BOD1L1: variants seen among roughly 807,000 people sequenced by gnomAD.
The protein encoded by BOD1L1 is biorientation of chromosomes in cell division protein 1-like 1.
In BOD1L1, 86 loss-of-function variants were observed where a neutral mutation model predicts 240.7. That is an observed-to-expected ratio of 0.36 (90% CI 0.30 to 0.43). BOD1L1 has a LOEUF of 0.43. Among genes scored for constraint, BOD1L1 ranks in the 20% least tolerant of loss-of-function variants. The pLI, the probability that BOD1L1 is intolerant of heterozygous loss-of-function variation, is 1.00. For synonymous variants in BOD1L1, 1,268 were observed against 1,272.3 expected, an observed-to-expected ratio of 1.00 and a Z score of 0.07; for missense variants, 3,554 against 3,643.5, an observed-to-expected ratio of 0.98 and a Z score of 0.63.
intron 15 of BOD1L1, among the ~76,000 whole-genome samples, chr4:13,588,056 C>T (rs1281714282): frequency 2.6e-5 from 4 of 151,810 alleles, no homozygotes; most frequent in African/African-American, 9.7e-5. Flanking sequence ...GGCGTGGTGG[C>T]GGGTGCCTGT....
Position 13,586,378 on chromosome 4 carries a change from AATAT to A in BOD1L1, c.8433+14_8433+17del. On this transcript the variant is annotated intron_variant, in intron 17 of 25. Coordinates refer to ENST00000040738, the MANE Select transcript of BOD1L1 (RefSeq NM_148894.3). Reference sequence around the variant, plus strand: ...CTACCCCCACCCAAAACTTAAAACTAATATGTGGAAAAAATACCTTTGTGTCATG... The same window carrying A: ...CTACCCCCACCCAAAACTTAAAACTAGTGGAAAAAATACCTTTGTGTCATG... 1 of 1,585,350 alleles carries A rather than the reference AATAT, an allele frequency of 6.3e-7. No homozygotes were observed. The highest frequency in any genetic ancestry group is 8.6e-7 in the Non-Finnish European group (1 of 1,156,442).
intron 17 of BOD1L1, 130 bp from the exon 18 acceptor site, chr4:13,582,866 A>G (rs1713348296): frequency 1.6e-6 from 1 of 622,958 alleles, no homozygotes; most frequent in Admixed American, 3.1e-5. Flanking sequence ...GTTTTTGGAA[A>G]ATGTTTTTGA....
chr4:13,572,934 A>T (rs1712337359), intron 25 of BOD1L1: 3 of 1,101,036 alleles, frequency 2.7e-6, no homozygotes, highest in Non-Finnish European at 3.5e-6. Context: ...CTTGTGGGCA[A>T]GTCAGAACAA....
chr4:13,624,026 T>A (rs1266350058), intron 1 of BOD1L1: 2 of 140,130 alleles, frequency 1.4e-5, no homozygotes, highest in Admixed American at 7.0e-5. Context: ...GGGGAATATA[T>A]TTTTTTTTTT....
rs36096107 is a variant in BOD1L1, at chr4:13,584,441, AGTGTGTGT to A, written c.8434-1713_8434-1706del. Among the ~76,000 whole-genome samples the A allele has an allele frequency of 7.7e-3, 1,041 of 134,898 alleles. 12 individuals are homozygous for A. Among genetic ancestry groups the A allele is most frequent in the African/African-American group, 9.5e-3 (346 of 36,420 alleles). 88.5% of individuals were successfully genotyped at this position (134,898 alleles called of 152,430 possible). A position where few individuals can be genotyped will look rare whatever the true frequency, so the allele number is the denominator to read the frequency against. On this transcript the variant is annotated intron_variant, in intron 17 of 25. Coordinates refer to ENST00000040738, the MANE Select transcript of BOD1L1 (RefSeq NM_148894.3). ...GTGGCGGGGAGAGAAAGAGAGAGAGAGTGTGTGTGTGTGTGTGTGTGTGTGTGTGTGTG... is the reference window on the plus strand; with the variant it reads ...GTGGCGGGGAGAGAAAGAGAGAGAGAGTGTGTGTGTGTGTGTGTGTGTGTG...
chr4:13,600,619 C>A lies in BOD1L1; in HGVS notation c.6281G>T (p.Gly2094Val), dbSNP rs1306399959. Residue 2094 changes from glycine (G) to valine (V), a missense_variant, in exon 10 of 26, where the codon GGT (glycine) becomes GTT (valine). Transcript: ENST00000040738. ...TTCAGTTCTCAGAGCATCTGAGAGA[C>A]CTCCTTCCACATCTGTAATTGCGCT... ...QVSAITDVEG[G>V]LSDALRTEEN... 6.2e-7 allele frequency: 1 copy of A among 1,613,872 alleles called. No individual in the cohort carries two copies. The highest frequency in any genetic ancestry group is 1.3e-5 in the African/African-American group (1 of 75,016).
chr4:13,615,105 C>T (rs943711675), intron 3 of BOD1L1, among the ~76,000 whole-genome samples: 5 of 152,184 alleles, frequency 3.3e-5, no homozygotes, highest in African/African-American at 1.2e-4. Context: ...CATACTCACA[C>T]TCACATCACA....
chr4:13,627,651 C>G lies in BOD1L1; in HGVS notation c.-64G>C. 9.1e-7 allele frequency: 1 copy of G among 1,096,450 alleles called. No individual in the cohort carries two copies. Among genetic ancestry groups the G allele is most frequent in the East Asian group, 4.8e-5 (1 of 20,990 alleles). 67.9% of individuals were successfully genotyped at this position (1,096,450 alleles called of 1,614,324 possible). ...GGACGATCCTGGGAGGCGGCGGCTG[C>G]ACTGGTCCCGCCGCCTGAGGGAAGC... On this transcript the variant is annotated 5_prime_UTR_variant, in exon 1 of 26. Coordinates refer to ENST00000040738, the MANE Select transcript of BOD1L1 (RefSeq NM_148894.3).
chr4:13,590,113 T>C (rs1349510649), intron 14 of BOD1L1, among the ~76,000 whole-genome samples: 1 of 152,192 alleles, frequency 6.6e-6, no homozygotes, highest in Non-Finnish European at 1.5e-5. Context: ...TTATGTTGGA[T>C]TGAGTCAACT....
intron 1 of BOD1L1, among the ~76,000 whole-genome samples, chr4:13,621,679 A>G (rs1717047136): frequency 6.6e-6 from 1 of 152,126 alleles, no homozygotes; most frequent in Non-Finnish European, 1.5e-5. Context: ...CAAATGAGCA[A>G]TTAAAATATA....
chr4:13,596,066 G>A (rs1714600794), intron 11 of BOD1L1, 122 bp from the exon 12 acceptor site: 4 of 767,714 alleles, frequency 5.2e-6, no homozygotes, highest in South Asian at 1.8e-5. Context: ...CTATTTTCAA[G>A]AGTACACAAA....
At chr4:13,606,427 A>G (rs930528229) in intron 9 of BOD1L1, among the ~76,000 whole-genome samples, 2 of 151,904 alleles carry the variant, frequency 1.3e-5, no homozygotes, top group African/African-American at 2.4e-5. Context: ...GGAAATATTA[A>G]GATAGTTTAG....
intron 22 of BOD1L1, 199 bp from the exon 23 acceptor site, chr4:13,577,830 T>C: frequency 2.4e-6 from 1 of 418,132 alleles, no homozygotes; most frequent in Non-Finnish European, 4.2e-6. Context: ...GAAACATAAG[T>C]TTTCATTTCA....
chr4:13,594,697 C>T (rs532682333), intron 12 of BOD1L1, among the ~76,000 whole-genome samples: 7 of 152,240 alleles, frequency 4.6e-5, no homozygotes, highest in Non-Finnish European at 8.8e-5. Context: ...GAGATCGAGA[C>T]CATCCTGGCC....
Position 13,599,942 on chromosome 4 carries a change from T to A in BOD1L1, c.6958A>T (p.Arg2320Ter). 6.2e-7 allele frequency: 1 copy of A among 1,613,264 alleles called. No homozygotes were observed. The highest frequency in any genetic ancestry group is 8.5e-7 in the Non-Finnish European group (1 of 1,179,556). Residue 2320 changes from arginine to a stop codon, truncating the protein, a stop_gained, in exon 10 of 26, where the codon AGA (arginine) becomes TGA (stop). Transcript: ENST00000040738. LOFTEE classifies it high-confidence loss of function. ...LQDEDRLTIT[R>*]VEDLSDAAII... ...GCAGCATCGCTCAAGTCTTCTACTC[T>A]TGTGATGGTGAGCCGATCTTCATCC...
In BOD1L1 at chr4:13,600,588, A is replaced by C; in HGVS notation, c.6312T>G (p.Asn2104Lys). The C allele has an allele frequency of 6.2e-7, 1 of 1,613,292 alleles. No individual in the cohort carries two copies. The highest frequency in any genetic ancestry group is 1.1e-5 in the South Asian group (1 of 91,028). ...CTGTGGTTACTCTGGTACCTTCCAT[A>C]TTTTCTTCAGTTCTCAGAGCATCTG... ...GLSDALRTEE[N>K]MEGTRVTTEE... Residue 2104 changes from asparagine (N) to lysine (K), a missense_variant, in exon 10 of 26, where the codon AAT becomes AAG. Asn to Lys is a moderately conservative substitution (Grantham distance 94). Transcript: ENST00000040738.
Position 13,614,800 on chromosome 4 carries a change from A to T in BOD1L1, c.570T>A (p.Thr190=), listed in dbSNP as rs1289591264. The T allele has an allele frequency of 1.2e-6, 2 of 1,608,420 alleles. No individual in the cohort carries two copies. The highest frequency in any genetic ancestry group is 1.7e-6 in the Non-Finnish European group (2 of 1,177,870). ...DTSLITQGVP[T]PGPSANVAND... ...TGGCTACATTAGCACTGGGCCCAGG[A>T]GTAGGAACACCTTAAAGAAAAACAG... is the stretch of plus-strand genomic sequence containing the variant. The change falls in exon 4 of 26, where the codon ACT becomes ACA. Residue 190 remains threonine (T), a synonymous_variant. Coordinates refer to ENST00000040738, the MANE Select transcript of BOD1L1 (RefSeq NM_148894.3).
At chr4:13,624,856 CA>C (rs1241127725) in intron 1 of BOD1L1, 1 of 152,222 alleles carries the variant, frequency 6.6e-6, no homozygotes. Flanking sequence ...CTATATGCTA[CA>C]AGTTAAGACT....
chr4:13,599,738 C>T lies in BOD1L1; in HGVS notation c.7162G>A (p.Gly2388Arg). 1 of 1,613,836 alleles carries T rather than the reference C, an allele frequency of 6.2e-7. No individual in the cohort carries two copies. Among genetic ancestry groups the T allele is most frequent in the Non-Finnish European group, 8.5e-7 (1 of 1,179,852 alleles). ...LIAENNCRCP[G>R]PVRGGKEPGP... ...GGTTCTTTGCCTCCCCTGACTGGCC[C>T]AGGACACCGACAGTTATTCTCAGCA... Residue 2388 changes from glycine (G) to arginine (R), a missense_variant, in exon 10 of 26, where the codon GGG becomes AGG. Physicochemically the swap from Gly to Arg is moderately radical, Grantham distance 125. Transcript: ENST00000040738.
Sources: gnomAD v4.1 joint callset for allele counts (sites outside exome capture counted in the v4.1 genomes callset) on GRCh38, gnomAD v4.1.1 for gene constraint, MANE v1.5 for transcripts, NCBI Gene and HGNC (gene_info 2026-07-23, HGNC 2026-07-21) for gene names.